Variants in ASCC3 observed in about 807,000 individuals in gnomAD.
The protein encoded by ASCC3 is activating signal cointegrator 1 complex subunit 3.
Under a neutral mutation model 256.3 loss-of-function variants are expected in ASCC3, and 158 were observed. That is an observed-to-expected ratio of 0.62 (90% CI 0.54 to 0.70). The LOEUF is 0.70. ASCC3 is among the 30% of genes least tolerant of loss of function. The pLI, the probability that ASCC3 is intolerant of heterozygous loss-of-function variation, is 0.00. For synonymous variants in ASCC3, 948 were observed against 883.4 expected, an observed-to-expected ratio of 1.07 and a Z score of -1.30; for missense variants, 2,259 against 2,626.0, an observed-to-expected ratio of 0.86 and a Z score of 3.05.
At chr6:100,667,537 C>T (rs1364588147) in intron 14 of ASCC3, among the ~76,000 whole-genome samples, 2 of 151,954 alleles carry the variant, frequency 1.3e-5, no homozygotes, top group African/African-American at 4.8e-5. Context: ...TCGGCCACTA[C>T]AGCAATCTGC....
chr6:100,534,960 A>G (rs1250503005), intron 37 of ASCC3, among the ~76,000 whole-genome samples: 1 of 152,228 alleles, frequency 6.6e-6, no homozygotes, highest in Non-Finnish European at 1.5e-5. Flanking sequence ...AATTACTATG[A>G]TAAAGCGAGG....
At chr6:100,685,102 C>A (rs887079379) in intron 13 of ASCC3, among the ~76,000 whole-genome samples, 1 of 152,064 alleles carries the variant, frequency 6.6e-6, no homozygotes, top group Non-Finnish European at 1.5e-5. Context: ...CCACCATGCG[C>A]GGCCAAATCA....
At chr6:100,673,637 G>C (rs1186838006) in intron 14 of ASCC3, among the ~76,000 whole-genome samples, 1 of 152,120 alleles carries the variant, frequency 6.6e-6, no homozygotes, top group African/African-American at 2.4e-5. Context: ...CTTATTCAAA[G>C]TGAACCACAT....
At chr6:100,642,502 G>C in intron 24 of ASCC3, 79 bp downstream of exon 24, 7 of 1,417,852 alleles carry the variant, frequency 4.9e-6, no homozygotes, top group Non-Finnish European at 7.0e-6. Context: ...ACTTTATTAC[G>C]GTGTAGACAT....
At chr6:100,546,228 A>G in intron 36 of ASCC3, among the ~76,000 whole-genome samples, 1 of 152,194 alleles carries the variant, frequency 6.6e-6, no homozygotes, top group East Asian at 1.9e-4. Context: ...AAACAAAGAA[A>G]ACACTGCTAG....
intron 34 of ASCC3, among the ~76,000 whole-genome samples, chr6:100,596,923 T>C (rs1291018555): frequency 6.6e-6 from 1 of 152,142 alleles, no homozygotes; most frequent in African/African-American, 2.4e-5. Flanking sequence ...CAACCTCATC[T>C]CCTGCTATTT....
chr6:100,814,868 A>AT (rs760561440), intron 4 of ASCC3, among the ~76,000 whole-genome samples: 30 of 150,526 alleles, frequency 2.0e-4, no homozygotes, highest in South Asian at 2.1e-4. Context: ...TATTTTATTA[A>AT]TTTTTTTTCA....
intron 36 of ASCC3, among the ~76,000 whole-genome samples, chr6:100,561,301 A>G (rs1473059261): frequency 6.6e-6 from 1 of 152,094 alleles, no homozygotes; most frequent in Non-Finnish European, 1.5e-5. Flanking sequence ...CTGATTCATC[A>G]AAGAAATACA....
intron 13 of ASCC3, among the ~76,000 whole-genome samples, chr6:100,691,599 A>G (rs1414642456): frequency 6.6e-6 from 1 of 152,038 alleles, no homozygotes; most frequent in African/African-American, 2.4e-5. Flanking sequence ...AACATAGACT[A>G]TGTTATAATT....
At chr6:100,859,284 C>T in intron 3 of ASCC3, 2 of 776,590 alleles carry the variant, frequency 2.6e-6, no homozygotes, top group African/African-American at 1.7e-5. Flanking sequence ...AAAATCTTCA[C>T]TGCTTTGATA....
At chr6:100,824,027 G>C (rs557703600) in intron 4 of ASCC3, among the ~76,000 whole-genome samples, 1 of 151,816 alleles carries the variant, frequency 6.6e-6, no homozygotes, top group Non-Finnish European at 1.5e-5. Context: ...TATAAAAATC[G>C]GCTTAAAAAA....
chr6:100,868,449 T>G (rs1353171541), intron 1 of ASCC3, among the ~76,000 whole-genome samples: 2 of 152,226 alleles, frequency 1.3e-5, no homozygotes, highest in African/African-American at 4.8e-5. Flanking sequence ...GATGTTCGTA[T>G]AGCTGGCTTC....
At chr6:100,532,398 ATATATATATTT>A (rs1562098512) in intron 37 of ASCC3, among the ~76,000 whole-genome samples, 41 of 46,382 alleles carry the variant, frequency 8.8e-4, no homozygotes, top group East Asian at 8.3e-3. Flanking sequence ...ATATATATAT[ATATATATATTT>A]TTTTTTTTTT....
intron 36 of ASCC3, among the ~76,000 whole-genome samples, chr6:100,563,662 C>G (rs537207386): frequency 6.6e-6 from 1 of 151,920 alleles, no homozygotes; most frequent in Non-Finnish European, 1.5e-5. Context: ...TGCCCAATGC[C>G]GAAGCCAGAC....
intron 36 of ASCC3, among the ~76,000 whole-genome samples, chr6:100,576,948 T>C (rs1247181964): frequency 1.3e-5 from 2 of 151,608 alleles, no homozygotes; most frequent in Non-Finnish European, 2.9e-5. Flanking sequence ...TCCTTCTCAC[T>C]GTTGACTGGA....
At chr6:100,553,743 T>A (rs917443234) in intron 36 of ASCC3, among the ~76,000 whole-genome samples, 2 of 152,150 alleles carry the variant, frequency 1.3e-5, no homozygotes, top group African/African-American at 4.8e-5. Context: ...TCACATCAAA[T>A]GGTCCCTGCT....
intron 24 of ASCC3, 106 bp downstream of exon 24, chr6:100,642,475 T>G (rs1432850988): frequency 1.7e-6 from 2 of 1,168,290 alleles, no homozygotes; most frequent in Non-Finnish European, 2.5e-6. Context: ...AGAGAAGTTA[T>G]AATGATTACA....
chr6:100,591,874 C>T (rs1444350122), intron 34 of ASCC3, among the ~76,000 whole-genome samples: 4 of 151,704 alleles, frequency 2.6e-5, no homozygotes, highest in African/African-American at 4.8e-5. Flanking sequence ...AAATTTGGTA[C>T]ACTTACAAAT....
intron 37 of ASCC3, among the ~76,000 whole-genome samples, chr6:100,518,605 G>A (rs1289292915): frequency 6.6e-6 from 1 of 152,134 alleles, no homozygotes; most frequent in African/African-American, 2.4e-5. Flanking sequence ...ACAGCCTAAA[G>A]ATAGAGGCCT....
Sources: gnomAD v4.1 joint callset for allele counts (sites outside exome capture counted in the v4.1 genomes callset) on GRCh38, gnomAD v4.1.1 for gene constraint, MANE v1.5 for transcripts, NCBI Gene and HGNC (gene_info 2026-07-23, HGNC 2026-07-21) for gene names.